Variants in XKR4 observed in about 807,000 individuals in gnomAD.
The protein encoded by XKR4 is XK-related protein 4.
XKR4 carries 12 observed loss-of-function variants against 53.9 expected under a neutral mutation model. That is an observed-to-expected ratio of 0.22 (90% CI 0.14 to 0.36). XKR4 has a LOEUF of 0.36. Among genes scored for constraint, XKR4 ranks in the 10% least tolerant of loss-of-function variants. XKR4 has a pLI of 1.00. For synonymous variants in XKR4, 354 were observed against 362.4 expected (o/e 0.98, Z 0.26); for missense variants, 799 against 859.5 (o/e 0.93, Z 0.88).
At chr8:55,157,085 T>TAG (rs1816918905) in intron 1 of XKR4, among the ~76,000 whole-genome samples, 1 of 152,248 alleles carries the variant, frequency 6.6e-6, no homozygotes. Context: ...CAACTTTCCA[T>TAG]GACCCAGTTG....
At chr8:55,456,418 C>T (rs756047790) in intron 2 of XKR4, among the ~76,000 whole-genome samples, 5 of 148,368 alleles carry the variant, frequency 3.4e-5, no homozygotes, top group South Asian at 2.2e-4. Flanking sequence ...GCAACAAGAG[C>T]GAAACTCTGT....
chr8:55,230,722 A>G (rs1170966630), intron 1 of XKR4, among the ~76,000 whole-genome samples: 1 of 152,202 alleles, frequency 6.6e-6, no homozygotes, highest in Non-Finnish European at 1.5e-5. Context: ...AATAGAGGAA[A>G]AACTGGAAAT....
At chr8:55,212,854 A>C (rs559377881) in intron 1 of XKR4, among the ~76,000 whole-genome samples, 18 of 152,260 alleles carry the variant, frequency 1.2e-4, no homozygotes, top group Non-Finnish European at 2.4e-4. Context: ...TTTTTGTAAC[A>C]GAATAGCTAT....
intron 1 of XKR4, among the ~76,000 whole-genome samples, chr8:55,253,338 C>G (rs1164014416): frequency 6.6e-6 from 1 of 152,162 alleles, no homozygotes; most frequent in Non-Finnish European, 1.5e-5. Flanking sequence ...TGCTTCTTTA[C>G]AAAGACGATG....
intron 2 of XKR4, among the ~76,000 whole-genome samples, chr8:55,442,150 G>A (rs1805278826): frequency 6.6e-6 from 1 of 152,022 alleles, no homozygotes; most frequent in African/African-American, 2.4e-5. Context: ...GAAATAAAAA[G>A]GGGCATTAAT....
intron 2 of XKR4, among the ~76,000 whole-genome samples, chr8:55,456,473 A>T (rs1805572521): frequency 6.6e-6 from 1 of 152,018 alleles, no homozygotes; most frequent in Non-Finnish European, 1.5e-5. Context: ...GAAAAAAAGA[A>T]ATTGACTCAG....
At chr8:55,142,250 T>A (rs893743236) in intron 1 of XKR4, 2 of 452,038 alleles carry the variant, frequency 4.4e-6, no homozygotes, top group Admixed American at 2.4e-5. Flanking sequence ...CTTAGACCTC[T>A]CCTCGTAGGA....
intron 2 of XKR4, among the ~76,000 whole-genome samples, chr8:55,411,434 G>A (rs1804777114): frequency 6.6e-6 from 1 of 152,194 alleles, no homozygotes; most frequent in Non-Finnish European, 1.5e-5. Flanking sequence ...TTCCTCAACA[G>A]TCAACAAGCA....
At chr8:55,493,778 T>C (rs537966789) in intron 2 of XKR4, among the ~76,000 whole-genome samples, 37 of 152,350 alleles carry the variant, frequency 2.4e-4, no homozygotes, top group African/African-American at 8.7e-4. Flanking sequence ...CTTTACCCAA[T>C]AGTGCTACCC....
intron 2 of XKR4, among the ~76,000 whole-genome samples, chr8:55,464,996 C>T (rs560634277): frequency 2.0e-5 from 3 of 152,096 alleles, no homozygotes; most frequent in Middle Eastern, 3.4e-3. Context: ...AGGATACAAA[C>T]AAATGGAAGA....
At chr8:55,404,224 G>A (rs900037505) in intron 2 of XKR4, among the ~76,000 whole-genome samples, 1 of 152,156 alleles carries the variant, frequency 6.6e-6, no homozygotes, top group South Asian at 2.1e-4. Flanking sequence ...AGATAGATGG[G>A]TGGATAGATA....
At chr8:55,142,936 C>T (rs902103138) in intron 1 of XKR4, among the ~76,000 whole-genome samples, 1 of 152,192 alleles carries the variant, frequency 6.6e-6, no homozygotes. Flanking sequence ...AGGCAGCGGT[C>T]CCTTGTGGGT....
chr8:55,439,161 T>C (rs1585573216), intron 2 of XKR4, among the ~76,000 whole-genome samples: 2 of 152,364 alleles, frequency 1.3e-5, no homozygotes, highest in Middle Eastern at 6.8e-3. Context: ...TCACATTGCT[T>C]GTGTGACCTT....
intron 2 of XKR4, chr8:55,454,967 T>C (rs768181319): frequency 4.2e-5 from 36 of 857,624 alleles, no homozygotes; most frequent in Non-Finnish European, 7.2e-5. Context: ...GGTCGGTGGA[T>C]TCCTCTCGGG....
intron 1 of XKR4, among the ~76,000 whole-genome samples, chr8:55,114,920 T>C (rs1287632069): frequency 6.6e-6 from 1 of 152,234 alleles, no homozygotes; most frequent in East Asian, 1.9e-4. Flanking sequence ...TAAAATAATA[T>C]GTTTTCAAAA....
chr8:55,216,381 G>A (rs548113976), intron 1 of XKR4, among the ~76,000 whole-genome samples: 17 of 152,284 alleles, frequency 1.1e-4, no homozygotes, highest in African/African-American at 4.1e-4. Context: ...GCAATATAGA[G>A]TAATATTTTT....
In XKR4 at chr8:55,407,935, C is replaced by T. The variant is rs190032806; in HGVS notation, c.1006+50058C>T. Among the ~76,000 whole-genome samples the T allele has an allele frequency of 1.1e-4, 16 of 152,258 alleles. No homozygotes were observed. In the East Asian group the frequency reaches 1.7e-3, roughly 17 times the overall value. On this transcript the variant is annotated intron_variant, in intron 2 of 2. Transcript: ENST00000327381. ...TAAAGAGACCATGAAACTAGGGCAACGGATTTCATTTCATGAGGTATTTAT... is the reference window on the plus strand; with the variant it reads ...TAAAGAGACCATGAAACTAGGGCAATGGATTTCATTTCATGAGGTATTTAT...
chr8:55,197,168 A>T (rs1463892407), intron 1 of XKR4, among the ~76,000 whole-genome samples: 3 of 152,324 alleles, frequency 2.0e-5, no homozygotes, highest in Admixed American at 2.0e-4. Context: ...GGGTAATACC[A>T]TAAAAGCTGT....
chr8:55,126,363 G>A (rs1314501069), intron 1 of XKR4, among the ~76,000 whole-genome samples: 1 of 152,232 alleles, frequency 6.6e-6, no homozygotes, highest in Non-Finnish European at 1.5e-5. Context: ...CTCCAGTAGA[G>A]CTGCTGGAAG....
Sources: gnomAD v4.1 joint callset for allele counts (sites outside exome capture counted in the v4.1 genomes callset) on GRCh38, gnomAD v4.1.1 for gene constraint, MANE v1.5 for transcripts, NCBI Gene and HGNC (gene_info 2026-07-23, HGNC 2026-07-21) for gene names.